Variants in MTRR observed in about 807,000 individuals in gnomAD.
MTRR encodes methionine synthase reductase.
MTRR carries 63 observed loss-of-function variants against 79.2 expected under a neutral mutation model. The observed-to-expected ratio is 0.80, with a 90% CI of 0.65 to 0.98. The LOEUF (loss-of-function observed/expected upper bound fraction) is 0.98, where lower values mean the gene tolerates loss of function less well. MTRR is among the 50% of genes least tolerant of loss of function. The probability of loss-of-function intolerance (pLI) is 0.00; values close to 1 mark genes in which losing one functional copy is unlikely to be tolerated. For missense variants in MTRR, 895 were observed against 839.6 expected, an observed-to-expected ratio of 1.07 and a Z score of -0.82; for synonymous variants, 355 against 313.3, an observed-to-expected ratio of 1.13 and a Z score of -1.41.
chr5:7,868,854 C>G, upstream of MTRR: 1 of 541,704 alleles, frequency 1.8e-6, no homozygotes, highest in Non-Finnish European at 3.3e-6. Context: ...CGAGCACCCC[C>G]AAACTCGGCG....
intron 5 of MTRR, among the ~76,000 whole-genome samples, chr5:7,880,510 C>T (rs906846967): frequency 7.2e-5 from 11 of 152,166 alleles, no homozygotes; most frequent in Non-Finnish European, 1.5e-4. Context: ...CAGTGTCATC[C>T]CCCAGGATTT....
intron 1 of MTRR, among the ~76,000 whole-genome samples, chr5:7,854,689 G>A (rs139137690): frequency 1.9e-3 from 285 of 152,226 alleles, no homozygotes; most frequent in African/African-American, 6.4e-3. Flanking sequence ...ATCTCCCTCC[G>A]GGTCTCTCCC....
chr5:7,886,046 A>C (rs1317217451), intron 7 of MTRR, among the ~76,000 whole-genome samples, 192 bp downstream of exon 7: 1 of 152,198 alleles, frequency 6.6e-6, no homozygotes, highest in Non-Finnish European at 1.5e-5. Context: ...TGTTAATTGC[A>C]CTGAATAAGA....
intron 1 of MTRR, among the ~76,000 whole-genome samples, chr5:7,860,565 A>C (rs1340995529): frequency 6.6e-6 from 1 of 152,238 alleles, no homozygotes; most frequent in Non-Finnish European, 1.5e-5. Flanking sequence ...CTGTATTTCA[A>C]AATATAAGTC....
At chr5:7,887,846 A>G (rs1436895173) in intron 8 of MTRR, among the ~76,000 whole-genome samples, 1 of 128,286 alleles carries the variant, frequency 7.8e-6, no homozygotes, top group South Asian at 2.4e-4. Context: ...TTTTTCAAAA[A>G]TAGTATGCTC....
In MTRR at chr5:7,892,875, G is replaced by A; in HGVS notation, c.1519G>A (p.Ala507Thr). 6.2e-7 allele frequency: 1 copy of A among 1,614,210 alleles called. No homozygotes were observed. The highest frequency in any genetic ancestry group is 8.5e-7 in the Non-Finnish European group (1 of 1,180,028). The change falls in exon 11 of 15, where the codon GCA becomes ACA. Residue 507 changes from alanine (A) to threonine (T), a missense_variant. Physicochemically the swap from Ala to Thr is moderately conservative, Grantham distance 58. Coordinates refer to ENST00000440940, the MANE Select transcript of MTRR (RefSeq NM_002454.3). ...VASVLQPNIH[A>T]SHEDSGKALA... Reference sequence around the variant, plus strand: ...TTCAGTTCTTCAGCCAAACATACATGCATCCCATGAAGACAGCGGGAAAGC... The same window carrying A: ...TTCAGTTCTTCAGCCAAACATACATACATCCCATGAAGACAGCGGGAAAGC...
intron 7 of MTRR, 62 bp from the exon 8 acceptor site, chr5:7,886,553 G>A: frequency 7.9e-7 from 1 of 1,269,348 alleles, no homozygotes; most frequent in Non-Finnish European, 1.2e-6. Flanking sequence ...TGGGGAGTGT[G>A]TAAAACATTT....
intron 1 of MTRR, among the ~76,000 whole-genome samples, chr5:7,856,451 A>G (rs1746249297): frequency 6.6e-6 from 1 of 152,206 alleles, no homozygotes; most frequent in Non-Finnish European, 1.5e-5. Flanking sequence ...CATTCCTTAC[A>G]TGACCCTTCA....
Position 7,854,260 on chromosome 5 carries a change from C to T in MTRR, n.391+2675C>T, listed in dbSNP as rs143165832. Among the ~76,000 whole-genome samples the T allele has an allele frequency of 3.8e-3, 573 of 152,058 alleles. 4 individuals carry two copies. Among genetic ancestry groups the T allele is most frequent in the African/African-American group, 0.013 (547 of 41,468 alleles). On this transcript the variant is annotated intron_variant and non_coding_transcript_variant, in intron 1 of 3. Coordinates refer to the MTRR transcript ENST00000502509. ...AGGAGGCAAATTAATAGAGTAAGGA[C>T]ACACACTGGGGCTGGGTTAAACATA...
chr5:7,895,645 T>G (rs569388854), intron 11 of MTRR, 89 bp from the exon 12 acceptor site: 55 of 1,538,900 alleles, frequency 3.6e-5, no homozygotes, highest in Non-Finnish European at 4.8e-5. Flanking sequence ...GAATTTTCCC[T>G]TTCTGATTTG....
At chr5:7,854,176 T>G (rs4702506) in intron 1 of MTRR, among the ~76,000 whole-genome samples, 1 of 151,952 alleles carries the variant, frequency 6.6e-6, no homozygotes, top group East Asian at 1.9e-4. Flanking sequence ...GTACTCGTAC[T>G]CAAAAGTTCT....
Position 7,897,243 on chromosome 5 carries a change from T to A in MTRR, c.1948T>A (p.Cys650Ser). ...LLQENGHIYV[C>S]GDAKNMAKDV... ...CCAGGAGAACGGCCATATTTATGTGTGTGGGTGAGTCATTATCGTGCCTAA... is the reference window on the plus strand; with the variant it reads ...CCAGGAGAACGGCCATATTTATGTGAGTGGGTGAGTCATTATCGTGCCTAA... The change falls in exon 14 of 15, where the codon TGT (cysteine) becomes AGT (serine). Residue 650 changes from cysteine to serine, a missense_variant. Coordinates refer to ENST00000440940, the MANE Select transcript of MTRR (RefSeq NM_002454.3). 1 of 1,613,968 alleles carries A rather than the reference T, an allele frequency of 6.2e-7. No individual in the cohort carries two copies. The highest frequency in any genetic ancestry group is 8.5e-7 in the Non-Finnish European group (1 of 1,179,992).
intron 1 of MTRR, chr5:7,859,221 C>T (rs1270711801): frequency 9.2e-6 from 3 of 326,770 alleles, no homozygotes; most frequent in African/African-American, 4.3e-5. Flanking sequence ...GTTTGATGTA[C>T]AAAAAGTATC....
At chr5:7,858,757 C>CTCTT (rs765341852) in intron 1 of MTRR, among the ~76,000 whole-genome samples, 47 of 151,882 alleles carry the variant, frequency 3.1e-4, no homozygotes, top group Non-Finnish European at 6.3e-4. Context: ...CTCTCTTGTC[C>CTCTT]TCTTCTCCTT....
intron 1 of MTRR, among the ~76,000 whole-genome samples, chr5:7,858,830 T>G (rs1746341402): frequency 6.6e-6 from 1 of 151,938 alleles, no homozygotes; most frequent in Non-Finnish European, 1.5e-5. Flanking sequence ...GACAATTTAA[T>G]TCATTCTTGA....
At chr5:7,895,940 T>C (rs567763036) in intron 12 of MTRR, 88 bp downstream of exon 12, 8 of 1,506,416 alleles carry the variant, frequency 5.3e-6, no homozygotes, top group Admixed American at 2.0e-5. Flanking sequence ...TTGGACTTTG[T>C]AAAATTTTTA....
chr5:7,861,572 T>G (rs1161273901), intron 1 of MTRR: 1 of 1,557,578 alleles, frequency 6.4e-7, no homozygotes, highest in Non-Finnish European at 8.7e-7. Flanking sequence ...AAACACAACA[T>G]TTTCCTGTAC....
At chr5:7,886,814 T>G (rs1306978725) in intron 8 of MTRR, 111 bp downstream of exon 8, 16 of 833,370 alleles carry the variant, frequency 1.9e-5, no homozygotes, top group Admixed American at 1.6e-4. Flanking sequence ...AAATGTGATC[T>G]TGATAGCATG....
chr5:7,861,414 A>G lies in MTRR; in HGVS notation n.392-537A>G, dbSNP rs1292239120. Reference sequence around the variant, plus strand: ...GAATCATGAATTTGATCTTATTAATATTAATGTTTATAAAATATTACAAGG... The same window carrying G: ...GAATCATGAATTTGATCTTATTAATGTTAATGTTTATAAAATATTACAAGG... On this transcript the variant is annotated intron_variant and non_coding_transcript_variant, in intron 1 of 3. Transcript: ENST00000502509. The G allele has an allele frequency of 5.0e-6, 3 of 603,162 alleles. No individual in the cohort carries two copies. In the African/African-American group the frequency reaches 5.7e-5, roughly 11 times the overall value. 37.4% of individuals were successfully genotyped at this position (603,162 alleles called of 1,614,324 possible). A position where few individuals can be genotyped will look rare whatever the true frequency, so the allele number is the denominator to read the frequency against.
Sources: gnomAD v4.1 joint callset for allele counts (sites outside exome capture counted in the v4.1 genomes callset) on GRCh38, gnomAD v4.1.1 for gene constraint, MANE v1.5 for transcripts, NCBI Gene and HGNC (gene_info 2026-07-23, HGNC 2026-07-21) for gene names.